The following STK32B variants were observed in gnomAD, a reference collection of about 807,000 sequenced individuals.
STK32B encodes the protein serine/threonine-protein kinase 32B.
Under a neutral mutation model 52.6 loss-of-function variants are expected in STK32B, and 43 were observed. The observed-to-expected ratio is 0.82, with a 90% CI of 0.64 to 1.05. The LOEUF is 1.05. STK32B is among the 50% of genes least tolerant of loss of function. The pLI, the probability that STK32B is intolerant of heterozygous loss-of-function variation, is 0.00. For synonymous variants in STK32B, 238 were observed against 204.3 expected (o/e 1.17, Z -1.41); for missense variants, 621 against 534.6 (o/e 1.16, Z -1.59).
chr4:5,139,625 G>A (rs1300766612), intron 1 of STK32B: 1 of 427,648 alleles, frequency 2.3e-6, no homozygotes, highest in African/African-American at 2.0e-5. Flanking sequence ...TAGAAGCCAG[G>A]CAGAAGTGGG....
At chr4:5,078,167 TC>T (rs1230739737) in intron 1 of STK32B, among the ~76,000 whole-genome samples, 1 of 151,998 alleles carries the variant, frequency 6.6e-6, no homozygotes, top group Non-Finnish European at 1.5e-5. Flanking sequence ...GCACAATACT[TC>T]CTGGAAGCTA....
intron 1 of STK32B, among the ~76,000 whole-genome samples, chr4:5,067,928 A>G (rs747991291): frequency 6.6e-6 from 1 of 152,120 alleles, no homozygotes; most frequent in Non-Finnish European, 1.5e-5. Context: ...TGAGAACTCT[A>G]TCATATGAAC....
In STK32B at chr4:5,058,870, C is replaced by T. The variant is rs1017665434; in HGVS notation, c.52+6955C>T. ...GGTTCAAGCGATTCTCATGCCTCAG[C>T]CTCCCCAGTACCTGGGATTACAGGC... On this transcript the variant is annotated intron_variant, in intron 1 of 11. Transcript: ENST00000282908. This position sits in a 1 kb window ranked among gnomAD's most constrained non-coding sequence, Gnocchi z 4.8. 3.9e-5 allele frequency among the ~76,000 whole-genome samples: 6 copies of T among 152,122 alleles called. No homozygotes were observed. The highest frequency in any genetic ancestry group is 1.4e-4 in the African/African-American group (6 of 41,424).
At chr4:5,216,315 C>A (rs1326948297) in intron 3 of STK32B, among the ~76,000 whole-genome samples, 2 of 152,116 alleles carry the variant, frequency 1.3e-5, no homozygotes, top group African/African-American at 4.8e-5. Flanking sequence ...TGGTACCAGG[C>A]ACTTTGTTAG....
At chr4:5,139,789 T>G (rs1294486010) in intron 1 of STK32B, 116 bp from the exon 2 acceptor site, 13 of 1,160,842 alleles carry the variant, frequency 1.1e-5, no homozygotes, top group Admixed American at 7.0e-5. Context: ...GCAAGTATAG[T>G]GCACCTGACC....
chr4:5,119,109 T>C (rs1714889918), intron 1 of STK32B, among the ~76,000 whole-genome samples: 1 of 152,220 alleles, frequency 6.6e-6, no homozygotes, highest in African/African-American at 2.4e-5. Flanking sequence ...GTAAGGTTAT[T>C]GTGTCCCCCA....
Position 5,245,227 on chromosome 4 carries a change from G to T in STK32B, c.260+76777G>T, listed in dbSNP as rs150938226. Reference sequence around the variant, plus strand: ...TGTTGGAGTCCAAGAATCTTTGTAGGTCACTCAGGACTTGCTTTATGAATC... The same window carrying T: ...TGTTGGAGTCCAAGAATCTTTGTAGTTCACTCAGGACTTGCTTTATGAATC... On this transcript the variant is annotated intron_variant, in intron 3 of 11. Transcript: ENST00000282908. Among the ~76,000 whole-genome samples the T allele has an allele frequency of 2.0e-3, 307 of 152,288 alleles. 2 individuals are homozygous for T. The highest frequency in any genetic ancestry group is 7.1e-3 in the African/African-American group (295 of 41,556).
chr4:5,440,160 T>C (rs964628582), intron 6 of STK32B, among the ~76,000 whole-genome samples: 1 of 152,188 alleles, frequency 6.6e-6, no homozygotes, highest in Non-Finnish European at 1.5e-5. Context: ...GGTAGCTTGA[T>C]GGGGATGGCA....
At chr4:5,162,806 A>G (rs965539558) in intron 2 of STK32B, among the ~76,000 whole-genome samples, 7 of 152,120 alleles carry the variant, frequency 4.6e-5, no homozygotes, top group African/African-American at 9.7e-5. Flanking sequence ...TAGCTCTTCT[A>G]TTTTGAAGTT....
chr4:5,162,461 C>T (rs1227608759), intron 2 of STK32B, among the ~76,000 whole-genome samples: 2 of 152,192 alleles, frequency 1.3e-5, no homozygotes, highest in East Asian at 3.9e-4. Context: ...TCTCAGTATG[C>T]TCCAGCCACC....
intron 1 of STK32B, among the ~76,000 whole-genome samples, chr4:5,110,945 G>A (rs1407750273): frequency 6.6e-6 from 1 of 151,396 alleles, no homozygotes; most frequent in Non-Finnish European, 1.5e-5. Flanking sequence ...ATTAAAAGCT[G>A]GGCAAAAGAC....
At chr4:5,157,299 TAAA>T (rs59362249) in intron 2 of STK32B, among the ~76,000 whole-genome samples, 22 of 101,524 alleles carry the variant, frequency 2.2e-4, no homozygotes, top group African/African-American at 1.8e-4. Context: ...TGTGAGGATG[TAAA>T]AAAAAAAAAA....
At chr4:5,170,794 G>A (rs1030792712) in intron 3 of STK32B, among the ~76,000 whole-genome samples, 1 of 152,188 alleles carries the variant, frequency 6.6e-6, no homozygotes, top group African/African-American at 2.4e-5. Flanking sequence ...CTTTATAGCA[G>A]CATGATTTAT....
the STK32B span, among the ~76,000 whole-genome samples, chr4:5,032,225 G>C: frequency 6.7e-6 from 1 of 150,298 alleles, no homozygotes; most frequent in Non-Finnish European, 1.5e-5. Context: ...TGTAATCCCA[G>C]CACTTTGGAA....
intron 4 of STK32B, among the ~76,000 whole-genome samples, chr4:5,355,935 G>GGAGGACAGTGGAGGACA (rs1734144115): frequency 6.6e-6 from 1 of 152,114 alleles, no homozygotes; most frequent in African/African-American, 2.4e-5. Flanking sequence ...TGGAGGACAG[G>GGAGGACAGTGGAGGACA]GAACCTCATT....
At position 5,168,360 on chromosome 4, in the gene STK32B, A is replaced by G. The variant is rs1231261387; in HGVS notation, c.170A>G (p.Gln57Arg). 1.9e-6 allele frequency: 3 copies of G among 1,613,878 alleles called. No homozygotes were observed. The highest frequency in any genetic ancestry group is 2.5e-6 in the Non-Finnish European group (3 of 1,180,010). The change falls in exon 3 of 12, where the codon CAG (glutamine) becomes CGG (arginine). Residue 57 changes from glutamine (Q) to arginine (R), a missense_variant. By Grantham distance (43) the Gln-to-Arg change is conservative. Coordinates refer to ENST00000282908, the MANE Select transcript of STK32B (RefSeq NM_018401.3). ...TATGCAATGAAGTACATGAACAAGC[A>G]GAAGTGCATCGAGAGGGATGAGGTT... ...KMYAMKYMNKQKCIERDEVRN... is the reference protein window; with the variant it reads ...KMYAMKYMNKRKCIERDEVRN...
chr4:5,208,655 G>GA, intron 3 of STK32B, among the ~76,000 whole-genome samples: 1 of 151,840 alleles, frequency 6.6e-6, no homozygotes, highest in Non-Finnish European at 1.5e-5. Context: ...CTCCCTGCTT[G>GA]AACCTTGGAT....
At chr4:5,397,004 G>A (rs904899369) in intron 4 of STK32B, among the ~76,000 whole-genome samples, 3 of 152,174 alleles carry the variant, frequency 2.0e-5, no homozygotes, top group Non-Finnish European at 4.4e-5. Flanking sequence ...GGTACTCATG[G>A]GTTTGAAAAG....
intron 11 of STK32B, among the ~76,000 whole-genome samples, chr4:5,492,232 C>G (rs369725860): frequency 5.3e-5 from 8 of 152,078 alleles, no homozygotes; most frequent in South Asian, 4.1e-4. Flanking sequence ...TCTTCCATTT[C>G]TTTGTATCCT....
Sources: allele counts gnomAD v4.1 joint callset (sites outside exome capture counted in the v4.1 genomes callset), GRCh38; gene constraint gnomAD v4.1.1; non-coding constraint Gnocchi (gnomAD v3.1); transcripts MANE v1.5; gene names NCBI Gene and HGNC (gene_info 2026-07-23, HGNC 2026-07-21).